IL7: variants seen among roughly 807,000 people sequenced by gnomAD.
IL7 encodes the protein interleukin-7.
A neutral mutation model predicts 21.6 loss-of-function variants in IL7; 3 were observed. That is an observed-to-expected ratio of 0.14 (90% confidence interval 0.06 to 0.36). The LOEUF is 0.36. Ranked by LOEUF, IL7 falls within the 10% of genes least tolerant of loss-of-function variation. The pLI, the probability that IL7 is intolerant of heterozygous loss-of-function variation, is 1.00. For synonymous variants in IL7, 62 were observed against 68.1 expected (o/e 0.91, Z 0.44); for missense variants, 175 against 200.2 (o/e 0.87, Z 0.76).
At chr8:78,720,825 C>T (rs969782034) in intron 5 of IL7, among the ~76,000 whole-genome samples, 1 of 151,826 alleles carries the variant, frequency 6.6e-6, no homozygotes, top group South Asian at 2.1e-4. Context: ...TGAAATATTA[C>T]TTTAATATTT....
intron 3 of IL7, among the ~76,000 whole-genome samples, chr8:78,708,683 CTT>C (rs1192881506): frequency 6.6e-5 from 8 of 120,978 alleles, no homozygotes; most frequent in Admixed American, 8.4e-5. Flanking sequence ...TTTTTTTTTT[CTT>C]TTTTTTTTTT....
intron 2 of IL7, among the ~76,000 whole-genome samples, chr8:78,752,254 T>G (rs1812199848): frequency 2.0e-5 from 3 of 152,194 alleles, no homozygotes; most frequent in African/African-American, 7.2e-5. Context: ...AGGTGTCCCT[T>G]TAATAGACTG....
At chr8:78,790,187 C>T (rs1813638407) in intron 2 of IL7, among the ~76,000 whole-genome samples, 2 of 152,142 alleles carry the variant, frequency 1.3e-5, no homozygotes, top group South Asian at 4.1e-4. Context: ...TATTTGCCTA[C>T]AATTAGACTG....
At chr8:78,735,891 A>G (rs1044056305) in intron 5 of IL7, among the ~76,000 whole-genome samples, 13 of 152,068 alleles carry the variant, frequency 8.5e-5, no homozygotes, top group Admixed American at 7.9e-4. Flanking sequence ...TAGTACCTAT[A>G]TCATTTTAAA....
chr8:78,764,898 G>GTTAGAGGACTGACACCAC (rs1812706528), intron 2 of IL7, among the ~76,000 whole-genome samples: 2 of 152,018 alleles, frequency 1.3e-5, no homozygotes, highest in Admixed American at 6.6e-5. Context: ...AAAGAGCAAA[G>GTTAGAGGACTGACACCAC]TTAGAGGACT....
In IL7 at chr8:78,733,798, A is replaced by G. The variant is rs1359650280; in HGVS notation, c.449T>C (p.Leu150Pro). 1.3e-6 allele frequency: 2 copies of G among 1,585,564 alleles called. 1 individual carries two copies. Among genetic ancestry groups the G allele is most frequent in the South Asian group, 2.3e-5 (2 of 85,764 alleles). Residue 150 changes from leucine (L) to proline (P), a missense_variant, in exon 6 of 6, where the codon CTG becomes CCG. By Grantham distance (98) the Leu-to-Pro change is moderately conservative. Transcript: ENST00000263851. ...ENKSLKEQKK[L>P]NDLCFLKRLL... ...TCTCTTTAGGAAACACAAGTCATTC[A>G]GTTTTTTCTGTTCCTTTAAAGATTT...
chr8:78,727,306 A>G (rs1236172075), intron 3 of IL7, among the ~76,000 whole-genome samples: 1 of 152,030 alleles, frequency 6.6e-6, no homozygotes, highest in Admixed American at 6.6e-5. Flanking sequence ...GCTGCATGAC[A>G]TATATAATAG....
chr8:78,804,725 T>G (rs1019849608), intron 1 of IL7, among the ~76,000 whole-genome samples, 188 bp downstream of exon 1: 2 of 152,154 alleles, frequency 1.3e-5, no homozygotes, highest in Non-Finnish European at 2.9e-5. Context: ...CAGGTTCAAG[T>G]GGCTATGTGC....
At chr8:78,741,204 TA>T (rs955377553) in intron 2 of IL7, among the ~76,000 whole-genome samples, 2 of 152,238 alleles carry the variant, frequency 1.3e-5, no homozygotes, top group African/African-American at 4.8e-5. Flanking sequence ...ACCCTGATTT[TA>T]AAATGTATAT....
chr8:78,773,718 G>A (rs900511265), intron 2 of IL7, among the ~76,000 whole-genome samples: 1 of 152,156 alleles, frequency 6.6e-6, no homozygotes, highest in Admixed American at 6.6e-5. Flanking sequence ...CATGATCTGA[G>A]CCTTGGTTTG....
chr8:78,720,094 C>A (rs974972011), intron 5 of IL7, among the ~76,000 whole-genome samples: 5 of 151,638 alleles, frequency 3.3e-5, no homozygotes, highest in African/African-American at 4.8e-5. Context: ...AGTTTAATGG[C>A]AAAGTTATTT....
At chr8:78,684,680 A>G (rs1809904323) in intron 4 of IL7, among the ~76,000 whole-genome samples, 1 of 152,214 alleles carries the variant, frequency 6.6e-6, no homozygotes, top group African/African-American at 2.4e-5. Context: ...GTAGGTTACT[A>G]TGCAAAAATA....
chr8:78,706,316 G>T (rs894884188), intron 3 of IL7, among the ~76,000 whole-genome samples: 2 of 152,142 alleles, frequency 1.3e-5, no homozygotes, highest in Non-Finnish European at 2.9e-5. Flanking sequence ...ATGTACGGGG[G>T]TCTAACATCC....
At chr8:78,689,523 T>C in intron 3 of IL7, 1 of 670,060 alleles carries the variant, frequency 1.5e-6, no homozygotes, top group Non-Finnish European at 2.2e-6. Flanking sequence ...AGTTGTATGC[T>C]TTTAGCTCTT....
At chr8:78,756,622 C>G (rs1488361423) in intron 2 of IL7, among the ~76,000 whole-genome samples, 1 of 151,884 alleles carries the variant, frequency 6.6e-6, no homozygotes, top group African/African-American at 2.4e-5. Flanking sequence ...TCAAAATAAT[C>G]TCTGATAGTC....
At position 78,800,232 on chromosome 8, in the gene IL7, G is replaced by A. The variant is rs112712022; in HGVS notation, c.11-2024C>T. On this transcript the variant is annotated intron_variant, in intron 1 of 5. Transcript: ENST00000263851. The stretch of plus-strand genomic sequence containing the variant: ...GGCCTCAAGTTTCATCCATTTTGCT[G>A]CAAAAGACGACTTAACTCTTATGGC... 3.5e-3 allele frequency among the ~76,000 whole-genome samples: 527 copies of A among 152,254 alleles called. 2 individuals carry two copies. Among genetic ancestry groups the A allele is most frequent in the African/African-American group, 0.012 (493 of 41,552 alleles).
At chr8:78,678,875 A>G (rs1187241868) in intron 4 of IL7, 4 of 343,102 alleles carry the variant, frequency 1.2e-5, no homozygotes, top group African/African-American at 8.5e-5. Flanking sequence ...ATTTTAAAAA[A>G]TAAGCTTCTA....
chr8:78,789,734 A>G (rs1813624276), intron 2 of IL7, among the ~76,000 whole-genome samples: 1 of 152,172 alleles, frequency 6.6e-6, no homozygotes, highest in Non-Finnish European at 1.5e-5. Flanking sequence ...GTAGAAGTCT[A>G]TAGAATAGAT....
chr8:78,712,806 T>G (rs1311247811), intron 3 of IL7, among the ~76,000 whole-genome samples: 1 of 152,196 alleles, frequency 6.6e-6, no homozygotes, highest in African/African-American at 2.4e-5. Flanking sequence ...GCCTAAAAAT[T>G]AATATACCTA....
Sources: gnomAD v4.1 joint callset for allele counts (sites outside exome capture counted in the v4.1 genomes callset) on GRCh38, gnomAD v4.1.1 for gene constraint, MANE v1.5 for transcripts, NCBI Gene and HGNC (gene_info 2026-07-23, HGNC 2026-07-21) for gene names.